Variants in SYT9 observed in about 807,000 individuals in gnomAD.
The protein encoded by SYT9 is synaptotagmin-9.
In SYT9, 22 loss-of-function variants were observed where a neutral mutation model predicts 48.4. That is an observed-to-expected ratio of 0.45 (90% CI 0.32 to 0.65). The LOEUF is 0.65. SYT9 is among the 30% of genes least tolerant of loss of function. The pLI is 0.03. For synonymous variants in SYT9, 265 were observed against 245.0 expected, an observed-to-expected ratio of 1.08 and a Z score of -0.76; for missense variants, 577 against 622.0, an observed-to-expected ratio of 0.93 and a Z score of 0.77.
intron 1 of SYT9, among the ~76,000 whole-genome samples, chr11:7,268,056 T>A (rs913540480): frequency 6.6e-6 from 1 of 151,970 alleles, no homozygotes; most frequent in African/African-American, 2.4e-5. Flanking sequence ...GAACTTTCTG[T>A]GTAAAAAGGT....
chr11:7,466,738 A>G (rs1455113902), intron 6 of SYT9, 54 bp from the exon 7 acceptor site: 18 of 1,555,090 alleles, frequency 1.2e-5, no homozygotes, highest in Middle Eastern at 1.7e-4. Flanking sequence ...AAAAAAAAAG[A>G]AAAAAAATGT....
At chr11:7,412,719 T>C (rs942182319) in intron 3 of SYT9, among the ~76,000 whole-genome samples, 5 of 152,188 alleles carry the variant, frequency 3.3e-5, no homozygotes, top group African/African-American at 4.8e-5. Flanking sequence ...TCTCTTGCCC[T>C]TGGTCAGCAG....
intron 2 of SYT9, among the ~76,000 whole-genome samples, chr11:7,307,394 G>T (rs778918220): frequency 6.6e-6 from 1 of 152,210 alleles, no homozygotes; most frequent in Non-Finnish European, 1.5e-5. Context: ...TGCTTCAAAA[G>T]TGGAAGTTGC....
chr11:7,387,754 A>G (rs905338769), intron 3 of SYT9, among the ~76,000 whole-genome samples: 2 of 152,176 alleles, frequency 1.3e-5, no homozygotes, highest in South Asian at 4.1e-4. Context: ...TGATTTCATC[A>G]CATTTTCTAC....
At chr11:7,418,164 A>C (rs756695773) in intron 5 of SYT9, 36 bp downstream of exon 5, 13 of 1,604,980 alleles carry the variant, frequency 8.1e-6, no homozygotes, top group Non-Finnish European at 1.1e-5. Flanking sequence ...GTGCAAGTTC[A>C]CTGTGCCCAG....
chr11:7,270,832 G>GACACACACACACACAC (rs56891844), intron 1 of SYT9, among the ~76,000 whole-genome samples: 435 of 147,272 alleles, frequency 3.0e-3, no homozygotes, highest in Non-Finnish European at 4.5e-3. Context: ...ACAAGACACA[G>GACACACACACACACAC]ACACACACAC....
chr11:7,301,208 T>C (rs1848912836), intron 1 of SYT9, among the ~76,000 whole-genome samples: 1 of 152,318 alleles, frequency 6.6e-6, no homozygotes. Context: ...ATATTGAAAC[T>C]TCAACCCCAG....
chr11:7,396,394 A>G (rs936463336), intron 3 of SYT9, among the ~76,000 whole-genome samples: 1 of 152,098 alleles, frequency 6.6e-6, no homozygotes, highest in African/African-American at 2.4e-5. Context: ...TCTTTCATTC[A>G]ACATAGTGCT....
intron 1 of SYT9, among the ~76,000 whole-genome samples, chr11:7,268,350 A>G (rs1200072142): frequency 6.6e-6 from 1 of 151,964 alleles, no homozygotes; most frequent in Non-Finnish European, 1.5e-5. Context: ...CATATACTGT[A>G]AAAACTATAC....
At chr11:7,293,381 C>G (rs553405844) in intron 1 of SYT9, among the ~76,000 whole-genome samples, 1 of 152,278 alleles carries the variant, frequency 6.6e-6, no homozygotes, top group Admixed American at 6.5e-5. Context: ...GTTTACCTGG[C>G]TCAGTGTCTT....
intron 3 of SYT9, among the ~76,000 whole-genome samples, chr11:7,371,001 T>C (rs1020365422): frequency 6.6e-6 from 1 of 152,186 alleles, no homozygotes; most frequent in Non-Finnish European, 1.5e-5. Flanking sequence ...GATACTTATG[T>C]ACCAACATAG....
chr11:7,271,539 A>C (rs978169063), intron 1 of SYT9, among the ~76,000 whole-genome samples: 1 of 152,050 alleles, frequency 6.6e-6, no homozygotes, highest in African/African-American at 2.4e-5. Context: ...AATTTTAACT[A>C]CTGCTGACTT....
intron 3 of SYT9, among the ~76,000 whole-genome samples, chr11:7,323,115 A>AT (rs1849365740): frequency 6.6e-6 from 1 of 151,964 alleles, no homozygotes; most frequent in African/African-American, 2.4e-5. Context: ...ATTAATTTTA[A>AT]GTTTTTTTCT....
chr11:7,241,512 A>G (rs1384213100), intron 1 of SYT9, among the ~76,000 whole-genome samples: 6 of 152,222 alleles, frequency 3.9e-5, no homozygotes, highest in Non-Finnish European at 8.8e-5. Flanking sequence ...ACTCTAATGC[A>G]CATGGATATG....
rs1848103369 is a variant in SYT9 at position 7,453,897 on chromosome 11, C to T, written c.1468-12895C>T. ...AGGCCAGGGCGCAGAGGGCATGGCC[C>T]CTAAGTTCAGATCTCAGTCGCCCTC... On this transcript the variant is annotated intron_variant, in intron 6 of 6. Transcript: ENST00000318881. 7 of 713,336 alleles carry T rather than the reference C, an allele frequency of 9.8e-6. No homozygotes were observed. In the South Asian group the frequency reaches 4.5e-4, roughly 46 times the overall value. 44.2% of individuals were successfully genotyped at this position (713,336 alleles called of 1,614,324 possible).
At chr11:7,340,205 A>C (rs1849690482) in intron 3 of SYT9, among the ~76,000 whole-genome samples, 1 of 152,162 alleles carries the variant, frequency 6.6e-6, no homozygotes, top group Non-Finnish European at 1.5e-5. Flanking sequence ...TTGCAGCTCT[A>C]TCAGGTCAGT....
intron 3 of SYT9, among the ~76,000 whole-genome samples, chr11:7,389,486 TA>T (rs1360761964): frequency 6.6e-6 from 1 of 152,036 alleles, no homozygotes; most frequent in Non-Finnish European, 1.5e-5. Context: ...AACTCCCCCA[TA>T]AAATGAGAGT....
At chr11:7,418,557 A>G (rs886614952) in intron 5 of SYT9, among the ~76,000 whole-genome samples, 6 of 152,240 alleles carry the variant, frequency 3.9e-5, no homozygotes, top group Non-Finnish European at 8.8e-5. Context: ...AACATTTCCA[A>G]ATACATAACT....
intron 6 of SYT9, among the ~76,000 whole-genome samples, chr11:7,433,761 C>G (rs148715153): frequency 6.6e-5 from 10 of 152,344 alleles, no homozygotes; most frequent in African/African-American, 2.4e-4. Context: ...ACTCACCAGA[C>G]ACCAAATCAG....
Sources: gnomAD v4.1 joint callset for allele counts (sites outside exome capture counted in the v4.1 genomes callset) on GRCh38, gnomAD v4.1.1 for gene constraint, MANE v1.5 for transcripts, NCBI Gene and HGNC (gene_info 2026-07-23, HGNC 2026-07-21) for gene names.